Variants in COPE observed in about 807,000 individuals in gnomAD.
COPE encodes coatomer subunit epsilon.
A neutral mutation model predicts 42.1 loss-of-function variants in COPE; 19 were observed. That is an observed-to-expected ratio of 0.45 (90% CI 0.31 to 0.66). COPE has a LOEUF of 0.66. Among genes scored for constraint, COPE ranks in the 30% least tolerant of loss-of-function variants. The pLI is 0.05. For synonymous variants in COPE, 195 were observed against 181.3 expected (o/e 1.08, Z -0.60); for missense variants, 402 against 416.1 (o/e 0.97, Z 0.30).
At position 18,903,166 on chromosome 19, in the gene COPE, AC is replaced by A. The variant is rs1373996256; in HGVS notation, c.735+101del. The A allele has an allele frequency of 2.6e-5, 33 of 1,267,804 alleles. No homozygotes were observed. The East Asian group carries it at 9.2e-4, about 35-fold the overall frequency. 78.5% of individuals were successfully genotyped at this position (1,267,804 alleles called of 1,614,324 possible). A position where few individuals can be genotyped will look rare whatever the true frequency, so the allele number is the denominator to read the frequency against. ...AGAAGCCCTGTGGGGCCACACGCAC[AC>A]CCAGGGGGTCTCTGCTACACTTGTT... On this transcript the variant is annotated intron_variant, in intron 7 of 9. Transcript: ENST00000262812.
intron 3 of COPE, among the ~76,000 whole-genome samples, chr19:18,908,690 T>C (rs1389375063): frequency 6.6e-6 from 1 of 151,688 alleles, no homozygotes; most frequent in Non-Finnish European, 1.5e-5. Context: ...CTAATTTTTT[T>C]TGTATTTTTA....
rs545185394 is a variant in COPE at position 18,905,635 on chromosome 19, G to A, written c.444-6C>T. 14 of 1,591,220 alleles carry A rather than the reference G, an allele frequency of 8.8e-6. No homozygotes were observed. Among genetic ancestry groups the A allele is most frequent in the African/African-American group, 8.0e-5 (6 of 74,908 alleles). On this transcript the variant is annotated splice_region_variant and splice_polypyrimidine_tract_variant and intron_variant, in intron 4 of 9. Coordinates refer to ENST00000262812, the MANE Select transcript of COPE (RefSeq NM_007263.4). ...TCTGCACTGTCATGGCTGTGCTGCA[G>A]GACAGGGCGAGGGGGCGGTCAGCGG...
rs1473866529 is a variant in COPE, at chr19:18,900,413, C to T, written c.772G>A (p.Val258Ile). 15 of 1,549,112 alleles carry T rather than the reference C, an allele frequency of 9.7e-6. No homozygotes were observed. The highest frequency in any genetic ancestry group is 1.2e-5 in the South Asian group (1 of 83,990). Residue 258 changes from valine (V) to isoleucine (I), a missense_variant, in exon 8 of 10, where the codon GTC becomes ATC. Val to Ile is a conservative substitution (Grantham distance 29, BLOSUM62 3). Transcript: ENST00000262812. ...GGCTTGCCCAGGTGCTGGGACAGGACGATGAGGTTGACCAGCGTCTCTGGG... is the reference window on the plus strand; with the variant it reads ...GGCTTGCCCAGGTGCTGGGACAGGATGATGAGGTTGACCAGCGTCTCTGGG... Reference protein sequence around the residue: ...GYPETLVNLIVLSQHLGKPPE... With the variant: ...GYPETLVNLIILSQHLGKPPE...
chr19:18,914,890 G>GC (rs767481847), intron 1 of COPE, among the ~76,000 whole-genome samples: 79 of 150,542 alleles, frequency 5.2e-4, no homozygotes, highest in Non-Finnish European at 9.7e-4. Context: ...CCGAGTAGCC[G>GC]CGACTATATG....
intron 1 of COPE, among the ~76,000 whole-genome samples, chr19:18,914,164 G>A (rs944616951): frequency 3.9e-5 from 6 of 152,178 alleles, no homozygotes; most frequent in East Asian, 3.8e-4. Context: ...AAAGGCATGC[G>A]GAGGGTGGTG....
chr19:18,908,694 A>G (rs915033858), intron 3 of COPE, among the ~76,000 whole-genome samples: 1 of 150,070 alleles, frequency 6.7e-6, no homozygotes, highest in Non-Finnish European at 1.5e-5. Context: ...TTTTTTTTGT[A>G]TTTTTAGTAG....
At chr19:18,902,671 A>G (rs1948302497) in intron 7 of COPE, among the ~76,000 whole-genome samples, 1 of 137,884 alleles carries the variant, frequency 7.3e-6, no homozygotes, top group Admixed American at 7.7e-5. Context: ...TCTCAAAAAA[A>G]AAAAAAAAGA....
At chr19:18,915,991 G>A (rs1475652104) in intron 1 of COPE, among the ~76,000 whole-genome samples, 1 of 152,234 alleles carries the variant, frequency 6.6e-6, no homozygotes, top group African/African-American at 2.4e-5. Flanking sequence ...CCACTGTCAT[G>A]AACTACCACA....
At chr19:18,918,281 A>G (rs1568325024) in intron 1 of COPE, among the ~76,000 whole-genome samples, 1 of 152,020 alleles carries the variant, frequency 6.6e-6, no homozygotes, top group Non-Finnish European at 1.5e-5. Flanking sequence ...CACAACGAAG[A>G]GACACAGAAG....
At chr19:18,905,930 G>A (rs962089352) in intron 4 of COPE, 18 of 525,008 alleles carry the variant, frequency 3.4e-5, no homozygotes, top group African/African-American at 2.0e-4. Context: ...GCCCGGACTC[G>A]ACACCCTGGA....
intron 4 of COPE, 117 bp from the exon 5 acceptor site, chr19:18,905,746 C>A (rs2056753210): frequency 9.8e-7 from 1 of 1,024,760 alleles, no homozygotes; most frequent in Non-Finnish European, 1.4e-6. Flanking sequence ...TGCTTAGGAC[C>A]ACCAGCCCCG....
At chr19:18,912,898 C>T (rs1217316674) in intron 2 of COPE, 86 bp downstream of exon 2, 41 of 1,358,816 alleles carry the variant, frequency 3.0e-5, no homozygotes, top group Non-Finnish European at 4.1e-5. Context: ...ACTGTCCCCG[C>T]CACCCACTCT....
In COPE at chr19:18,906,752, G is replaced by A. The variant is rs530733079; in HGVS notation, c.443+208C>T. ...CAGAGGGTTGCAGCCTGGGCACCGT[G>A]TCCTTGGATCTGCAGCCTGGTGCGC... is the stretch of plus-strand genomic sequence containing the variant. On this transcript the variant is annotated intron_variant, in intron 4 of 9. Coordinates refer to ENST00000262812, the MANE Select transcript of COPE (RefSeq NM_007263.4). The A allele has an allele frequency of 1.8e-5, 10 of 548,532 alleles. No homozygotes were observed. In the African/African-American group the frequency reaches 2.0e-4, roughly 11 times the overall value. The allele number at this position is 548,532 out of a possible 1,614,324, so 34.0% of individuals were successfully genotyped here. A position where few individuals can be genotyped will look rare whatever the true frequency, so the allele number is the denominator to read the frequency against.
chr19:18,902,802 AAGGAAGGAAGG>A (rs2056719848), intron 7 of COPE, among the ~76,000 whole-genome samples: 1 of 121,858 alleles, frequency 8.2e-6, no homozygotes, highest in Non-Finnish European at 1.6e-5. Context: ...GGAAGGAAGG[AAGGAAGGAAGG>A]AAGGAAGGAA....
At chr19:18,911,157 G>C in intron 2 of COPE, 86 bp from the exon 3 acceptor site, 3 of 1,249,768 alleles carry the variant, frequency 2.4e-6, no homozygotes, top group Non-Finnish European at 3.5e-6. Flanking sequence ...CCCCAGACAG[G>C]AAGTCCCTGC....
intron 6 of COPE, among the ~76,000 whole-genome samples, chr19:18,904,019 G>A (rs1297641218): frequency 6.6e-6 from 1 of 152,326 alleles, no homozygotes; most frequent in East Asian, 1.9e-4. Flanking sequence ...AGGCAGGAGT[G>A]CACTGGCGCG....
chr19:18,907,789 T>C lies in COPE; in HGVS notation c.291-677A>G, dbSNP rs2056774451. Reference sequence around the variant, plus strand: ...GGGCCACCCTAGACCAAAGCTGGTGTTCTTCTGGGTTCAAACGTGGCTCTG... The same window carrying C: ...GGGCCACCCTAGACCAAAGCTGGTGCTCTTCTGGGTTCAAACGTGGCTCTG... On this transcript the variant is annotated intron_variant, in intron 3 of 9. Coordinates refer to ENST00000262812, the MANE Select transcript of COPE (RefSeq NM_007263.4). Among the ~76,000 whole-genome samples, 5 of 152,294 alleles carry C rather than the reference T, an allele frequency of 3.3e-5. No homozygotes were observed. In the South Asian group the frequency reaches 1.0e-3, roughly 32 times the overall value.
At chr19:18,916,311 C>A (rs1260671111) in intron 1 of COPE, among the ~76,000 whole-genome samples, 1 of 151,734 alleles carries the variant, frequency 6.6e-6, no homozygotes, top group Non-Finnish European at 1.5e-5. Context: ...TGAGATTGTG[C>A]CACTGCACTC....
Position 18,910,057 on chromosome 19 carries a change from C to T in COPE, c.290+914G>A, listed in dbSNP as rs1484906962. ...CCAGGTTTCTTTGAGTGAAGGGAGG[C>T]GGTAGTTGGGACACTGCCTCCGTGG... On this transcript the variant is annotated intron_variant, in intron 3 of 9. Transcript: ENST00000262812. 1.1e-4 allele frequency among the ~76,000 whole-genome samples: 17 copies of T among 152,168 alleles called. No individual in the cohort carries two copies. The East Asian group carries it at 2.9e-3, about 26-fold the overall frequency.
Sources: allele counts gnomAD v4.1 joint callset (sites outside exome capture counted in the v4.1 genomes callset), GRCh38; gene constraint gnomAD v4.1.1; transcripts MANE v1.5; gene names NCBI Gene and HGNC (gene_info 2026-07-23, HGNC 2026-07-21).